STPG4: variants seen among roughly 807,000 people sequenced by gnomAD.
The protein encoded by STPG4 is protein STPG4.
A neutral mutation model predicts 31.5 loss-of-function variants in STPG4; 41 were observed. The ratio of observed to expected loss-of-function variants is 1.30; its 90% CI spans 1.01 to 1.69. STPG4 has a LOEUF of 1.69. STPG4 is among the 40% of genes most tolerant of loss of function. STPG4 has a pLI of 0.00. For missense variants in STPG4, 375 were observed against 293.4 expected (o/e 1.28, Z -2.03); for synonymous variants, 141 against 103.0 (o/e 1.37, Z -2.24).
At chr2:47,087,264 C>T (rs1685475890) in intron 6 of STPG4, 134 bp from the exon 7 acceptor site, 4 of 1,017,386 alleles carry the variant, frequency 3.9e-6, no homozygotes, top group Non-Finnish European at 5.6e-6. Flanking sequence ...CCAGCCTGGG[C>T]TGAAGCCTGG....
At chr2:47,117,196 G>A (rs1311648807) in intron 5 of STPG4, among the ~76,000 whole-genome samples, 1 of 152,082 alleles carries the variant, frequency 6.6e-6, no homozygotes, top group Middle Eastern at 3.2e-3. Context: ...GAACAAAGAA[G>A]ATGCATGTGG....
intron 3 of STPG4, among the ~76,000 whole-genome samples, chr2:47,139,969 T>C (rs930091277): frequency 1.3e-5 from 2 of 151,992 alleles, no homozygotes; most frequent in African/African-American, 2.4e-5. Context: ...AGAGATGGGG[T>C]TTCATTCTGT....
At chr2:47,101,956 A>C (rs1376121062) in intron 5 of STPG4, among the ~76,000 whole-genome samples, 1 of 151,640 alleles carries the variant, frequency 6.6e-6, no homozygotes, top group Non-Finnish European at 1.5e-5. Context: ...GGTAAGGGCC[A>C]CTAAATCCGA....
intron 5 of STPG4, among the ~76,000 whole-genome samples, chr2:47,122,918 C>T (rs988645641): frequency 1.3e-5 from 2 of 152,266 alleles, no homozygotes; most frequent in Admixed American, 6.5e-5. Flanking sequence ...CTCCGCCTCC[C>T]GGATTCAAGC....
chr2:47,136,679 A>C (rs1480324798), intron 3 of STPG4, among the ~76,000 whole-genome samples: 1 of 152,182 alleles, frequency 6.6e-6, no homozygotes, highest in Non-Finnish European at 1.5e-5. Context: ...AAGTAAATTC[A>C]TTTCATCTAA....
chr2:47,119,051 G>A (rs543823514), intron 5 of STPG4, among the ~76,000 whole-genome samples: 14 of 152,322 alleles, frequency 9.2e-5, no homozygotes, highest in African/African-American at 3.4e-4. Context: ...TCACACGAAG[G>A]TTTGAGACAT....
At chr2:47,153,142 A>G in intron 1 of STPG4, 126 bp from the exon 2 acceptor site, 2 of 588,928 alleles carry the variant, frequency 3.4e-6, no homozygotes, top group Non-Finnish European at 5.9e-6. Context: ...TCATTAAAAT[A>G]AAAGCTACAT....
chr2:47,087,810 G>C (rs181506665), intron 6 of STPG4, among the ~76,000 whole-genome samples: 279 of 152,132 alleles, frequency 1.8e-3, no homozygotes, highest in African/African-American at 6.2e-3. Flanking sequence ...TGTAGTGCGC[G>C]CTATCTCGGC....
chr2:47,109,609 T>C (rs71423942), intron 5 of STPG4, among the ~76,000 whole-genome samples: 2,035 of 151,548 alleles, frequency 0.013, 18 homozygotes, highest in Non-Finnish European at 0.019. Context: ...ATTTGAAATG[T>C]TATATTTTTC....
intron 5 of STPG4, among the ~76,000 whole-genome samples, chr2:47,123,930 A>G (rs1282219096): frequency 6.6e-6 from 1 of 152,122 alleles, no homozygotes; most frequent in African/African-American, 2.4e-5. Flanking sequence ...AGCATTTATC[A>G]TTTCTTTATG....
intron 5 of STPG4, among the ~76,000 whole-genome samples, chr2:47,120,514 C>T (rs1686246338): frequency 6.6e-6 from 1 of 151,924 alleles, no homozygotes; most frequent in Admixed American, 6.6e-5. Context: ...TTGCAGTGAG[C>T]TGAGATCACG....
chr2:47,107,188 G>A (rs1428611961), intron 5 of STPG4, among the ~76,000 whole-genome samples: 1 of 152,044 alleles, frequency 6.6e-6, no homozygotes, highest in African/African-American at 2.4e-5. Context: ...GGCACTTAAG[G>A]AGCCCTTCAG....
chr2:47,114,020 C>G (rs1686093856), intron 5 of STPG4, among the ~76,000 whole-genome samples: 1 of 148,142 alleles, frequency 6.8e-6, no homozygotes, highest in Non-Finnish European at 1.5e-5. Flanking sequence ...CAAAGTGAGA[C>G]TTGTCTCAAA....
chr2:47,091,278 T>G (rs1258121445), intron 5 of STPG4, among the ~76,000 whole-genome samples: 1 of 152,042 alleles, frequency 6.6e-6, no homozygotes, highest in East Asian at 1.9e-4. Context: ...CTTTCCAGAG[T>G]GCAATCTGGC....
chr2:47,151,723 CG>C (rs886183574), intron 2 of STPG4, among the ~76,000 whole-genome samples: 2 of 151,568 alleles, frequency 1.3e-5, no homozygotes, highest in African/African-American at 4.8e-5. Context: ...TTAAAGCAAA[CG>C]GGTTAGAGTT....
chr2:47,129,862 C>T (rs1490333711), intron 5 of STPG4, 79 bp downstream of exon 5: 6 of 1,571,516 alleles, frequency 3.8e-6, no homozygotes, highest in Non-Finnish European at 5.2e-6. Context: ...TCTATGTGGC[C>T]ACCTTGCTCC....
chr2:47,134,292 A>G (rs1686549696), intron 3 of STPG4, among the ~76,000 whole-genome samples: 2 of 152,202 alleles, frequency 1.3e-5, no homozygotes, highest in Admixed American at 6.5e-5. Context: ...GTGCAATGAC[A>G]TGTATCCACT....
At chr2:47,088,594 A>G (rs957088587) in intron 6 of STPG4, among the ~76,000 whole-genome samples, 3 of 152,224 alleles carry the variant, frequency 2.0e-5, no homozygotes, top group African/African-American at 7.2e-5. Context: ...AGGCTTGGAC[A>G]GGCCAGCAGT....
intron 5 of STPG4, among the ~76,000 whole-genome samples, chr2:47,103,613 G>A (rs1685844529): frequency 6.6e-6 from 1 of 151,850 alleles, no homozygotes; most frequent in Non-Finnish European, 1.5e-5. Context: ...TTATCAGTGT[G>A]GTTTACTGGG....
Sources: gnomAD v4.1 joint callset for allele counts (sites outside exome capture counted in the v4.1 genomes callset) on GRCh38, gnomAD v4.1.1 for gene constraint, MANE v1.5 for transcripts, NCBI Gene and HGNC (gene_info 2026-07-23, HGNC 2026-07-21) for gene names.